The following PILRA variants were observed in gnomAD, a reference collection of about 807,000 sequenced individuals.
PILRA encodes paired immunoglobulin-like type 2 receptor alpha.
PILRA carries 37 observed loss-of-function variants against 33.1 expected under a neutral mutation model. The observed-to-expected ratio is 1.12, with a 90% CI of 0.86 to 1.47. The LOEUF (loss-of-function observed/expected upper bound fraction) is 1.47, where lower values mean the gene tolerates loss of function less well. Ranked by LOEUF, PILRA falls within the 40% of genes most tolerant of loss-of-function variation. PILRA has a pLI of 0.00. For missense variants in PILRA, 312 were observed against 376.2 expected, an observed-to-expected ratio of 0.83 and a Z score of 1.41; for synonymous variants, 146 against 149.9, an observed-to-expected ratio of 0.97 and a Z score of 0.19.
At chr7:100,382,667 G>C (rs573641997) in intron 2 of PILRA, among the ~76,000 whole-genome samples, 1 of 152,238 alleles carries the variant, frequency 6.6e-6, no homozygotes, top group African/African-American at 2.4e-5. Context: ...CCCCTGAGCA[G>C]TATCAACTGG....
intron 4 of PILRA, among the ~76,000 whole-genome samples, chr7:100,398,496 G>A (rs1022641821): frequency 3.3e-5 from 5 of 151,864 alleles, no homozygotes; most frequent in East Asian, 3.9e-4. Context: ...TTCCATAGCC[G>A]TAGGTCTCCT....
intron 2 of PILRA, among the ~76,000 whole-genome samples, chr7:100,375,496 C>T (rs1029441282): frequency 5.3e-5 from 8 of 152,118 alleles, no homozygotes; most frequent in African/African-American, 1.4e-4. Context: ...CTTTGGGAGG[C>T]CAAGGTGGGT....
chr7:100,372,055 G>A (rs1299311243), upstream of PILRA, among the ~76,000 whole-genome samples: 1 of 152,154 alleles, frequency 6.6e-6, no homozygotes, highest in East Asian at 1.9e-4. Context: ...CCTCAGGTGG[G>A]GCGGGCCACC....
intron 3 of PILRA, among the ~76,000 whole-genome samples, chr7:100,397,360 G>A (rs551502278): frequency 6.6e-6 from 1 of 152,176 alleles, no homozygotes; most frequent in Admixed American, 6.5e-5. Flanking sequence ...AGGATTCAGG[G>A]TGGGACCAGC....
intron 3 of PILRA, among the ~76,000 whole-genome samples, chr7:100,393,488 A>G (rs1351362930): frequency 1.3e-5 from 2 of 152,162 alleles, no homozygotes; most frequent in African/African-American, 2.4e-5. Context: ...AGTGTTGTGC[A>G]TGGCTGCATT....
intron 2 of PILRA, among the ~76,000 whole-genome samples, chr7:100,375,655 C>T (rs142876939): frequency 0.01 from 1,556 of 152,212 alleles, 19 homozygotes; most frequent in African/African-American, 0.035. Flanking sequence ...TCACTTGAAC[C>T]GGGGAGGTGG....
At chr7:100,392,394 GA>G (rs1299556391) in intron 3 of PILRA, among the ~76,000 whole-genome samples, 1 of 152,166 alleles carries the variant, frequency 6.6e-6, no homozygotes, top group Non-Finnish European at 1.5e-5. Flanking sequence ...CTTCGCCAGG[GA>G]AACAGCCTTG....
At chr7:100,389,629 G>A (rs1791336249) in intron 2 of PILRA, among the ~76,000 whole-genome samples, 1 of 150,278 alleles carries the variant, frequency 6.7e-6, no homozygotes, top group Non-Finnish European at 1.5e-5. Flanking sequence ...AAAGAAGGAA[G>A]GAGGGAGGGA....
intron 3 of PILRA, among the ~76,000 whole-genome samples, chr7:100,391,601 T>G (rs551603447): frequency 3.9e-4 from 60 of 152,324 alleles, no homozygotes; most frequent in African/African-American, 1.4e-3. Context: ...GTGAGAAGAC[T>G]GCTTGAGCCT....
At chr7:100,381,976 T>C (rs893115563) in intron 2 of PILRA, among the ~76,000 whole-genome samples, 7 of 151,726 alleles carry the variant, frequency 4.6e-5, no homozygotes, top group African/African-American at 1.7e-4. Context: ...GCTCGGGACC[T>C]GCAGCCCGCC....
At chr7:100,390,233 C>T (rs369312926) in intron 3 of PILRA, 127 bp downstream of exon 3, 8 of 774,844 alleles carry the variant, frequency 1.0e-5, no homozygotes, top group African/African-American at 1.0e-4. Flanking sequence ...CCGAGGCCGA[C>T]TTCGTGGCCT....
chr7:100,396,003 A>T (rs916868391), intron 3 of PILRA, among the ~76,000 whole-genome samples: 1 of 152,126 alleles, frequency 6.6e-6, no homozygotes, highest in African/African-American at 2.4e-5. Flanking sequence ...GGGCACCTGT[A>T]ATCCCAGCTA....
chr7:100,375,739 CAAACA>C (rs946807267), intron 2 of PILRA, among the ~76,000 whole-genome samples: 1 of 147,958 alleles, frequency 6.8e-6, no homozygotes, highest in Non-Finnish European at 1.5e-5. Flanking sequence ...CTCAAACAAA[CAAACA>C]AACAAACAAA....
chr7:100,374,484 A>G (rs374583074), intron 2 of PILRA, 51 bp downstream of exon 2: 2 of 1,607,910 alleles, frequency 1.2e-6, no homozygotes, highest in African/African-American at 1.3e-5. Context: ...TGAGGCTTTT[A>G]TGATCACTGG....
chr7:100,399,406 C>T, intron 5 of PILRA, 66 bp downstream of exon 5: 4 of 1,448,504 alleles, frequency 2.8e-6, no homozygotes, highest in Admixed American at 1.7e-5. Flanking sequence ...CCAAATACCC[C>T]CTACCTGGGT....
chr7:100,394,242 G>T (rs1343142041), intron 3 of PILRA, among the ~76,000 whole-genome samples: 2 of 152,084 alleles, frequency 1.3e-5, no homozygotes, highest in African/African-American at 4.8e-5. Context: ...ATTATCACGG[G>T]ATAAGAGTTC....
chr7:100,397,836 A>T (rs779865728), intron 3 of PILRA, 43 bp from the exon 4 acceptor site: 1 of 1,607,798 alleles, frequency 6.2e-7, no homozygotes, highest in Non-Finnish European at 8.5e-7. Flanking sequence ...GGAGACTGCC[A>T]TCACCCGGAT....
chr7:100,371,620 G>A (rs1162252614), upstream of PILRA, among the ~76,000 whole-genome samples: 1 of 152,102 alleles, frequency 6.6e-6, no homozygotes, highest in Non-Finnish European at 1.5e-5. Flanking sequence ...CCCCACACAC[G>A]ACTTCCCACG....
chr7:100,399,994 A>C lies in PILRA; in HGVS notation c.*87A>C, dbSNP rs1791628992. ...TCCCAGCTACTCTGAAGCCTGAGGC[A>C]GAATCAAGTGAGCCCAGGAGTTCAG... On this transcript the variant is annotated 3_prime_UTR_variant, in exon 7 of 7. Transcript: ENST00000198536. 4 of 1,376,322 alleles carry C rather than the reference A, an allele frequency of 2.9e-6. No individual in the cohort carries two copies. In the African/African-American group the frequency reaches 4.3e-5, roughly 15 times the overall value. 85.3% of individuals were successfully genotyped at this position (1,376,322 alleles called of 1,614,324 possible).
Sources: gnomAD v4.1 joint callset for allele counts (sites outside exome capture counted in the v4.1 genomes callset) on GRCh38, gnomAD v4.1.1 for gene constraint, MANE v1.5 for transcripts, NCBI Gene and HGNC (gene_info 2026-07-23, HGNC 2026-07-21) for gene names.